The following SPOCK1 variants were observed in gnomAD, a reference collection of about 807,000 sequenced individuals.
The protein encoded by SPOCK1 is testican-1.
Under a neutral mutation model 55.3 loss-of-function variants are expected in SPOCK1, and 23 were observed. The ratio of observed to expected loss-of-function variants is 0.42; its 90% CI spans 0.30 to 0.59. The LOEUF (loss-of-function observed/expected upper bound fraction) is 0.59. Among genes scored for constraint, SPOCK1 ranks in the 20% least tolerant of loss-of-function variants. The pLI is 0.22. For synonymous variants in SPOCK1, 226 were observed against 221.0 expected, an observed-to-expected ratio of 1.02 and a Z score of -0.20; for missense variants, 499 against 552.5, an observed-to-expected ratio of 0.90 and a Z score of 0.97.
intron 2 of SPOCK1, among the ~76,000 whole-genome samples, chr5:137,301,168 C>T (rs1425385841): frequency 6.6e-6 from 1 of 152,116 alleles, no homozygotes. Flanking sequence ...GTAGGAATGC[C>T]CAGGACCTAT....
chr5:137,234,314 T>G (rs1756131089), intron 3 of SPOCK1, among the ~76,000 whole-genome samples: 2 of 152,118 alleles, frequency 1.3e-5, no homozygotes, highest in African/African-American at 4.8e-5. Context: ...CTGGGGCTGC[T>G]TTCTTCTGCT....
At chr5:137,175,728 T>C (rs966611574) in intron 3 of SPOCK1, among the ~76,000 whole-genome samples, 2 of 152,144 alleles carry the variant, frequency 1.3e-5, no homozygotes, top group African/African-American at 4.8e-5. Flanking sequence ...AACCAATCCA[T>C]GTAAAGTGTT....
At chr5:137,339,264 GAT>G (rs1375198447) in intron 2 of SPOCK1, among the ~76,000 whole-genome samples, 1 of 152,222 alleles carries the variant, frequency 6.6e-6, no homozygotes. Flanking sequence ...CCAGTTCCAG[GAT>G]GGAGCATGTG....
intron 2 of SPOCK1, among the ~76,000 whole-genome samples, chr5:137,401,873 C>G (rs114262926): frequency 0.011 from 1,700 of 152,248 alleles, 14 homozygotes; most frequent in Non-Finnish European, 0.016. Flanking sequence ...CACACCTTCT[C>G]TCTCACCCAC....
chr5:137,304,082 TGG>T (rs752666051), intron 2 of SPOCK1, among the ~76,000 whole-genome samples: 1 of 150,862 alleles, frequency 6.6e-6, no homozygotes. Flanking sequence ...TTTTTTTTTT[TGG>T]TTCTGTTATA....
chr5:137,241,352 T>G (rs999036030), intron 3 of SPOCK1, among the ~76,000 whole-genome samples: 3 of 152,094 alleles, frequency 2.0e-5, no homozygotes, highest in Non-Finnish European at 2.9e-5. Context: ...CTAATATCTC[T>G]CTATATAAAG....
intron 2 of SPOCK1, among the ~76,000 whole-genome samples, chr5:137,315,117 A>C (rs573065712): frequency 2.6e-4 from 39 of 152,308 alleles, no homozygotes; most frequent in African/African-American, 7.9e-4. Context: ...AGGGAAAAAA[A>C]ATGGCAAAAG....
intron 2 of SPOCK1, among the ~76,000 whole-genome samples, chr5:137,336,420 G>C (rs1432811784): frequency 2.0e-5 from 3 of 152,146 alleles, no homozygotes; most frequent in African/African-American, 7.2e-5. Flanking sequence ...CTCAGGAATG[G>C]GAATTTACAG....
intron 3 of SPOCK1, among the ~76,000 whole-genome samples, chr5:137,235,959 G>C (rs1051492175): frequency 2.0e-5 from 3 of 152,202 alleles, no homozygotes; most frequent in Non-Finnish European, 4.4e-5. Flanking sequence ...CTAACATTTT[G>C]CAAGTCCAGC....
chr5:137,307,279 C>T (rs1396941927), intron 2 of SPOCK1, among the ~76,000 whole-genome samples: 7 of 152,200 alleles, frequency 4.6e-5, no homozygotes, highest in Non-Finnish European at 1.0e-4. Context: ...ACTTAACTGC[C>T]GTCTCCAAAA....
At chr5:137,158,003 A>C (rs1754451768) in intron 3 of SPOCK1, among the ~76,000 whole-genome samples, 1 of 152,226 alleles carries the variant, frequency 6.6e-6, no homozygotes, top group Non-Finnish European at 1.5e-5. Flanking sequence ...CAGAGGTTGC[A>C]GTGAGCAGAG....
chr5:137,343,042 T>C (rs1333068314), intron 2 of SPOCK1, among the ~76,000 whole-genome samples: 1 of 152,250 alleles, frequency 6.6e-6, no homozygotes, highest in Non-Finnish European at 1.5e-5. Flanking sequence ...CAAAGCAGGC[T>C]TTCAGGCATC....
chr5:137,290,471 T>C (rs560217371), intron 2 of SPOCK1, among the ~76,000 whole-genome samples: 2 of 152,322 alleles, frequency 1.3e-5, no homozygotes, highest in East Asian at 3.9e-4. Flanking sequence ...AGGAGGAGAA[T>C]ACAATTAGGG....
At chr5:137,270,273 A>T (rs1405223466) in intron 2 of SPOCK1, among the ~76,000 whole-genome samples, 2 of 152,254 alleles carry the variant, frequency 1.3e-5, no homozygotes, top group Admixed American at 1.3e-4. Context: ...TTATCATCTA[A>T]TGATAAAGCT....
intron 3 of SPOCK1, among the ~76,000 whole-genome samples, chr5:137,208,199 C>CA (rs979511264): frequency 1.1e-4 from 16 of 152,014 alleles, no homozygotes; most frequent in South Asian, 8.3e-4. Flanking sequence ...GAGAGAAAAA[C>CA]AAAAAAAGGC....
rs1278850615 is a variant in SPOCK1 at position 137,132,017 on chromosome 5, TATAA to T, written c.347+8559_347+8562del. 5.1e-3 allele frequency among the ~76,000 whole-genome samples: 437 copies of T among 84,936 alleles called. 32 individuals are homozygous for T. Among genetic ancestry groups the T allele is most frequent in the East Asian group, 0.013 (48 of 3,606 alleles). 55.7% of individuals were successfully genotyped at this position (84,936 alleles called of 152,430 possible). ...ATATATATATATATATATATATATA[TATAA>T]AAAATTAGCTGGGCATGGTGGCAAG... On this transcript the variant is annotated intron_variant, in intron 4 of 10. Coordinates refer to ENST00000394945, the MANE Select transcript of SPOCK1 (RefSeq NM_004598.4).
chr5:137,480,106 A>C (rs935003460), intron 2 of SPOCK1, among the ~76,000 whole-genome samples: 2 of 152,232 alleles, frequency 1.3e-5, no homozygotes, highest in African/African-American at 4.8e-5. Flanking sequence ...TTTTAAGGCT[A>C]AAAATGATAG....
At chr5:136,986,190 TA>T (rs1311841239) in intron 8 of SPOCK1, among the ~76,000 whole-genome samples, 1 of 152,132 alleles carries the variant, frequency 6.6e-6, no homozygotes, top group Non-Finnish European at 1.5e-5. Context: ...ATCTGGATTA[TA>T]AAAGGTAGCA....
At chr5:137,177,011 C>A (rs1257363826) in intron 3 of SPOCK1, among the ~76,000 whole-genome samples, 2 of 152,072 alleles carry the variant, frequency 1.3e-5, no homozygotes, top group African/African-American at 4.8e-5. Flanking sequence ...CCTCCTCTGC[C>A]AGAAAAATTT....
Sources: gnomAD v4.1 joint callset for allele counts (sites outside exome capture counted in the v4.1 genomes callset) on GRCh38, gnomAD v4.1.1 for gene constraint, MANE v1.5 for transcripts, NCBI Gene and HGNC (gene_info 2026-07-23, HGNC 2026-07-21) for gene names.